KRT25: variants seen among roughly 807,000 people sequenced by gnomAD.
KRT25 encodes keratin 25.
In KRT25, 37 loss-of-function variants were observed where a neutral mutation model predicts 47.6. The ratio of observed to expected loss-of-function variants is 0.78; its 90% CI spans 0.60 to 1.02. KRT25 has a LOEUF of 1.02. Ranked by LOEUF, KRT25 falls within the 50% of genes least tolerant of loss-of-function variation. The pLI is 0.00. For synonymous variants in KRT25, 203 were observed against 210.2 expected, an observed-to-expected ratio of 0.97 and a Z score of 0.30; for missense variants, 542 against 550.3, an observed-to-expected ratio of 0.98 and a Z score of 0.15.
In KRT25 at chr17:40,748,215, A is replaced by G. The variant is rs886888399; in HGVS notation, c.*62T>C. 9.3e-6 allele frequency: 10 copies of G among 1,071,388 alleles called. No homozygotes were observed. Among genetic ancestry groups the G allele is most frequent in the Non-Finnish European group, 1.4e-5 (10 of 726,014 alleles). 66.4% of individuals were successfully genotyped at this position (1,071,388 alleles called of 1,614,324 possible). A position where few individuals can be genotyped will look rare whatever the true frequency, so the allele number is the denominator to read the frequency against. On this transcript the variant is annotated 3_prime_UTR_variant, in exon 8 of 8. Coordinates refer to ENST00000312150, the MANE Select transcript of KRT25 (RefSeq NM_181534.4). ...CTTAGACATGCACATTTTTCTGGAC[A>G]GATACATAATGCCTTTTCTTCGCAG...
In KRT25 at chr17:40,754,687, C is replaced by T. The variant is rs1039854558; in HGVS notation, c.429+156G>A. On this transcript the variant is annotated intron_variant, in intron 1 of 7. Coordinates refer to ENST00000312150, the MANE Select transcript of KRT25 (RefSeq NM_181534.4). The stretch of plus-strand genomic sequence containing the variant: ...GAGCCAAGATCCCACGGTTGCACTC[C>T]AGCCTGGGCAACAAGAGCAAAACTC... 6.3e-5 allele frequency among the ~76,000 whole-genome samples: 8 copies of T among 127,410 alleles called. No homozygotes were observed. In the Admixed American group the frequency reaches 7.7e-4, roughly 12 times the overall value. The allele number at this position is 127,410 out of a possible 152,430, so 83.6% of individuals were successfully genotyped here. A position where few individuals can be genotyped will look rare whatever the true frequency, so the allele number is the denominator to read the frequency against.
chr17:40,754,267 T>A, intron 2 of KRT25, 119 bp downstream of exon 2: 2 of 892,234 alleles, frequency 2.2e-6, no homozygotes, highest in Non-Finnish European at 1.8e-6. Flanking sequence ...AAAAAAGTAA[T>A]AACATCCTGT....
Position 40,754,371 on chromosome 17 carries a change from T to C in KRT25, c.512+15A>G. On this transcript the variant is annotated intron_variant, in intron 2 of 7. Coordinates refer to ENST00000312150, the MANE Select transcript of KRT25 (RefSeq NM_181534.4). ...GAATTGCCATGAATTCATTTCACTC[T>C]GGCAGTCTACTTACTTGAGTCTGAA... 1 of 1,605,362 alleles carries C rather than the reference T, an allele frequency of 6.2e-7. No individual in the cohort carries two copies. The highest frequency in any genetic ancestry group is 8.5e-7 in the Non-Finnish European group (1 of 1,172,282).
chr17:40,751,254 G>A lies in KRT25; in HGVS notation c.742C>T (p.Leu248Phe), dbSNP rs2038044522. The change falls in exon 4 of 8, where the codon CTC (leucine) becomes TTC (phenylalanine). Residue 248 changes from leucine to phenylalanine, a missense_variant. By Grantham distance (22) the Leu-to-Phe change is conservative (BLOSUM62 0). Transcript: ENST00000312150. ...VEMNAAPGVD[L>F]TVLLNNMRAE... Reference sequence around the variant, plus strand: ...CGCATGTTGTTCAGCAGAACTGTGAGGTCCACCCCGGGGGCTGCGTTCATC... The same window carrying A: ...CGCATGTTGTTCAGCAGAACTGTGAAGTCCACCCCGGGGGCTGCGTTCATC... 2 of 1,614,220 alleles carry A rather than the reference G, an allele frequency of 1.2e-6. No homozygotes were observed. Among genetic ancestry groups the A allele is most frequent in the South Asian group, 1.1e-5 (1 of 91,088 alleles).
chr17:40,754,150 T>A, intron 2 of KRT25, 134 bp from the exon 3 acceptor site: 1 of 893,450 alleles, frequency 1.1e-6, no homozygotes, highest in Middle Eastern at 3.4e-4. Flanking sequence ...AAGCTTGTTG[T>A]ATAATAATTA....
intron 5 of KRT25, 49 bp from the exon 6 acceptor site, chr17:40,750,646 G>A (rs746753321): frequency 6.2e-7 from 1 of 1,604,892 alleles, no homozygotes; most frequent in Non-Finnish European, 8.5e-7. Context: ...CAGATATGCA[G>A]GGATTTCTTT....
intron 6 of KRT25, among the ~76,000 whole-genome samples, 199 bp from the exon 7 acceptor site, chr17:40,749,524 G>C (rs753580066): frequency 5.9e-5 from 9 of 152,190 alleles, no homozygotes; most frequent in Non-Finnish European, 1.3e-4. Flanking sequence ...ACTAAGTGAG[G>C]GGTTAGGAAG....
intron 3 of KRT25, among the ~76,000 whole-genome samples, chr17:40,753,425 G>A (rs149534510): frequency 1.0e-3 from 158 of 150,982 alleles, no homozygotes; most frequent in African/African-American, 3.6e-3. Context: ...GGCCGGGTGC[G>A]GTGGCTCACG....
chr17:40,748,375 C>T lies in KRT25; in HGVS notation c.1255G>A (p.Ala419Thr). 1 of 1,609,940 alleles carries T rather than the reference C, an allele frequency of 6.2e-7. No homozygotes were observed. The highest frequency in any genetic ancestry group is 8.5e-7 in the Non-Finnish European group (1 of 1,178,140). Residue 419 changes from alanine to threonine, a missense_variant, in exon 8 of 8, where the codon GCC becomes ACC. Physicochemically the swap from Ala to Thr is moderately conservative, Grantham distance 58 (BLOSUM62 0). Transcript: ENST00000312150. ...TCAAGAACTTTCTTAACCACTATGG[C>T]TTTGGCTGGGTCTGAGCATTAAAAA... The part of the protein sequence containing the change: ...VGSQVKDPAK[A>T]IVVKKVLEEV...
intron 3 of KRT25, among the ~76,000 whole-genome samples, chr17:40,751,875 T>TGTGC (rs1390056002): frequency 2.6e-5 from 2 of 75,962 alleles, no homozygotes; most frequent in African/African-American, 4.5e-5. Context: ...TGTGTGTGTG[T>TGTGC]GTGCGTGCGT....
chr17:40,751,426 C>A, intron 3 of KRT25, 100 bp from the exon 4 acceptor site: 1 of 1,355,382 alleles, frequency 7.4e-7, no homozygotes, highest in South Asian at 1.5e-5. Context: ...TGGTTTTCCC[C>A]TCCCAGGCTG....
Position 40,754,937 on chromosome 17 carries a change from T to C in KRT25, c.335A>G (p.Lys112Arg), listed in dbSNP as rs1449805678. 1 of 1,614,074 alleles carries C rather than the reference T, an allele frequency of 6.2e-7. No homozygotes were observed. Among genetic ancestry groups the C allele is most frequent in the Non-Finnish European group, 8.5e-7 (1 of 1,180,038 alleles). Residue 112 changes from lysine (K) to arginine (R), a missense_variant, in exon 1 of 8, where the codon AAG (lysine) becomes AGG (arginine). Lys to Arg is a conservative substitution (Grantham distance 26). Coordinates refer to ENST00000312150, the MANE Select transcript of KRT25 (RefSeq NM_181534.4). ...AGGCCCAAATTTCTCATACCAGCCC[T>C]TGATCTTCTGCTCCAGGTCAGCGTT... ...EANADLEQKIKGWYEKFGPGS... is the reference protein window; with the variant it reads ...EANADLEQKIRGWYEKFGPGS...
rs1218100640 is a variant in KRT25, at chr17:40,751,048, T to G, written c.863A>C (p.Asp288Ala). 1.9e-6 allele frequency: 3 copies of G among 1,614,144 alleles called. No individual in the cohort carries two copies. Among genetic ancestry groups the G allele is most frequent in the Non-Finnish European group, 2.5e-6 (3 of 1,180,010 alleles). ...CCGGGCTGAGGTTGTGGCTCCGACA[T>G]CCTCAGAGATCTGCTGCTGCAGGGA... ...SASLQQQISE[D>A]VGATTSARNE... The change falls in exon 5 of 8, where the codon GAT (aspartate) becomes GCT (alanine). Residue 288 changes from aspartate (D) to alanine (A), a missense_variant. By Grantham distance (126) the Asp-to-Ala change is moderately radical. Coordinates refer to ENST00000312150, the MANE Select transcript of KRT25 (RefSeq NM_181534.4).
chr17:40,749,165 C>A, intron 7 of KRT25, 93 bp downstream of exon 7: 1 of 903,206 alleles, frequency 1.1e-6, no homozygotes, highest in Non-Finnish European at 1.8e-6. Context: ...ACGTGTTTAC[C>A]TATGTAACAA....
intron 7 of KRT25, among the ~76,000 whole-genome samples, chr17:40,748,851 C>A (rs2038019490): frequency 6.6e-6 from 1 of 152,190 alleles, no homozygotes; most frequent in South Asian, 2.1e-4. Context: ...GCCATAAACA[C>A]CATGGAATAT....
chr17:40,751,129 A>G (rs2038042480), intron 4 of KRT25, 36 bp downstream of exon 4: 1 of 1,614,120 alleles, frequency 6.2e-7, no homozygotes. Context: ...GAATACCAGT[A>G]ACATGCAAAG....
rs370844545 is a variant in KRT25 at position 40,750,950 on chromosome 17, A to C, written c.957+4T>G. 5.2e-5 allele frequency: 84 copies of C among 1,613,584 alleles called. No homozygotes were observed. Among genetic ancestry groups the C allele is most frequent in the Non-Finnish European group, 6.7e-5 (79 of 1,179,692 alleles). ...ATGGTGAAAAAAAATTGTTCTTTTC[A>C]TACCGTGGCTAGGAGAGACTGAAGT... On this transcript the variant is annotated splice_donor_region_variant and intron_variant, in intron 5 of 7. Coordinates refer to ENST00000312150, the MANE Select transcript of KRT25 (RefSeq NM_181534.4).
intron 6 of KRT25, 109 bp from the exon 7 acceptor site, chr17:40,749,434 T>C: frequency 1.2e-6 from 1 of 822,424 alleles, no homozygotes; most frequent in South Asian, 1.5e-5. Context: ...TAACCCAGTA[T>C]TTGATTTATA....
Position 40,751,330 on chromosome 17 carries a change from G to T in KRT25, c.670-4C>A. 6.2e-7 allele frequency: 1 copy of T among 1,606,754 alleles called. No homozygotes were observed. The highest frequency in any genetic ancestry group is 1.1e-5 in the South Asian group (1 of 89,668). ...CGCACTGCAGAACTTGCATTTCCTA[G>T]AGGCAGAAAAGTGTTCTGCTCAGCT... On this transcript the variant is annotated splice_polypyrimidine_tract_variant and splice_region_variant and intron_variant, in intron 3 of 7. Transcript: ENST00000312150.
Sources: gnomAD v4.1 joint callset for allele counts (sites outside exome capture counted in the v4.1 genomes callset) on GRCh38, gnomAD v4.1.1 for gene constraint, MANE v1.5 for transcripts, NCBI Gene and HGNC (gene_info 2026-07-23, HGNC 2026-07-21) for gene names.